The following ERCC6L2 variants were observed in gnomAD, a reference collection of about 807,000 sequenced individuals.
ERCC6L2 encodes DNA excision repair protein ERCC-6-like 2.
Under a neutral mutation model 132.0 loss-of-function variants are expected in ERCC6L2, and 77 were observed. The observed-to-expected ratio is 0.58, with a 90% CI of 0.49 to 0.71. ERCC6L2 has a LOEUF of 0.71. Among genes scored for constraint, ERCC6L2 ranks in the 30% least tolerant of loss-of-function variants. ERCC6L2 has a pLI of 0.00. For synonymous variants in ERCC6L2, 583 were observed against 632.4 expected, an observed-to-expected ratio of 0.92 and a Z score of 1.17; for missense variants, 1,542 against 1,837.6, an observed-to-expected ratio of 0.84 and a Z score of 2.94.
At chr9:96,000,826 G>T (rs564219826) in intron 17 of ERCC6L2, among the ~76,000 whole-genome samples, 15 of 152,182 alleles carry the variant, frequency 9.9e-5, no homozygotes, top group Non-Finnish European at 1.6e-4. Context: ...CTCGTGCTTT[G>T]TATGTCTGAA....
intron 11 of ERCC6L2, among the ~76,000 whole-genome samples, chr9:95,937,416 G>T (rs954657114): frequency 6.6e-6 from 1 of 152,000 alleles, no homozygotes; most frequent in African/African-American, 2.4e-5. Flanking sequence ...GTATAAAGCT[G>T]GTGTTAATGC....
At chr9:95,952,551 A>C (rs1831386876) in intron 12 of ERCC6L2, among the ~76,000 whole-genome samples, 2 of 152,226 alleles carry the variant, frequency 1.3e-5, no homozygotes, top group Admixed American at 6.5e-5. Context: ...ACATCTTTTT[A>C]AAGATGACAA....
chr9:95,887,055 A>G (rs960456556), intron 2 of ERCC6L2, among the ~76,000 whole-genome samples: 13 of 152,198 alleles, frequency 8.5e-5, no homozygotes, highest in African/African-American at 3.1e-4. Flanking sequence ...ATCGTGTGAG[A>G]TAGTACTTAA....
At chr9:95,906,943 C>T (rs905235683) in intron 3 of ERCC6L2, 135 bp from the exon 4 acceptor site, 4 of 646,350 alleles carry the variant, frequency 6.2e-6, no homozygotes, top group Non-Finnish European at 1.1e-5. Flanking sequence ...TAGCTAATCA[C>T]TCAGTTGTAT....
At chr9:95,985,528 A>G (rs543744775) in intron 17 of ERCC6L2, among the ~76,000 whole-genome samples, 52 of 152,350 alleles carry the variant, frequency 3.4e-4, no homozygotes, top group African/African-American at 1.2e-3. Flanking sequence ...TCTGTTGGCC[A>G]TAATGCTGGT....
In ERCC6L2 at chr9:95,875,778, C is replaced by A. The variant is rs1343389074; in HGVS notation, c.-261C>A. The A allele has an allele frequency of 9.1e-6, 5 of 548,428 alleles. No individual in the cohort carries two copies. The highest frequency in any genetic ancestry group is 7.6e-5 in the African/African-American group (4 of 52,702). The allele number at this position is 548,428 out of a possible 1,614,324, so 34.0% of individuals were successfully genotyped here. A position where few individuals can be genotyped will look rare whatever the true frequency, so the allele number is the denominator to read the frequency against. On this transcript the variant is annotated 5_prime_UTR_variant, in exon 1 of 19. Transcript: ENST00000653738. ...GCCCGAGAGAACTAGGTGAACACCGCTTTGCCAGCCTCACACAGCGTCCCC... is the reference window on the plus strand; with the variant it reads ...GCCCGAGAGAACTAGGTGAACACCGATTTGCCAGCCTCACACAGCGTCCCC...
intron 2 of ERCC6L2, among the ~76,000 whole-genome samples, chr9:95,889,765 T>G (rs998833208): frequency 6.6e-6 from 1 of 152,144 alleles, no homozygotes; most frequent in African/African-American, 2.4e-5. Flanking sequence ...ATTTACACCA[T>G]CAAGGAATTC....
At chr9:95,987,461 T>G (rs1833138315) in intron 17 of ERCC6L2, among the ~76,000 whole-genome samples, 1 of 152,190 alleles carries the variant, frequency 6.6e-6, no homozygotes, top group South Asian at 2.1e-4. Flanking sequence ...AAAGGCCCCA[T>G]GCAAGTCCAG....
Position 95,972,192 on chromosome 9 carries a change from C to G in ERCC6L2, c.2441C>G (p.Ala814Gly), listed in dbSNP as rs1223301221. 1.5e-6 allele frequency: 2 copies of G among 1,304,204 alleles called. No individual in the cohort carries two copies. The highest frequency in any genetic ancestry group is 2.0e-6 in the Non-Finnish European group (2 of 988,920). The allele number at this position is 1,304,204 out of a possible 1,614,324, so 80.8% of individuals were successfully genotyped here. The change falls in exon 16 of 19, where the codon GCC becomes GGC. Residue 814 changes from alanine (A) to glycine (G), a missense_variant. Coordinates refer to ENST00000653738, the MANE Select transcript of ERCC6L2 (RefSeq NM_020207.7). Reference protein sequence around the residue: ...KAVEDSDGNTASDDESSDEQP... With the variant: ...KAVEDSDGNTGSDDESSDEQP... ...GTTGAGGATAGTGATGGAAATACTG[C>G]CTCTGATGATGAAAGTTCTGATGAG... is the stretch of plus-strand genomic sequence containing the variant.
chr9:96,033,779 C>T (rs1435085532), intron 19 of ERCC6L2, among the ~76,000 whole-genome samples: 1 of 152,166 alleles, frequency 6.6e-6, no homozygotes, highest in Non-Finnish European at 1.5e-5. Context: ...TGAGAAACAA[C>T]TTATTTAGGG....
chr9:96,036,441 G>A (rs1834519414), intron 19 of ERCC6L2, among the ~76,000 whole-genome samples: 1 of 152,180 alleles, frequency 6.6e-6, no homozygotes, highest in Non-Finnish European at 1.5e-5. Flanking sequence ...ATGGACACTT[G>A]GGTTGTCCAC....
At position 96,013,136 on chromosome 9, in the gene ERCC6L2, T is replaced by G. The variant is rs1483311170; in HGVS notation, c.4586T>G (p.Phe1529Cys). 5 of 1,367,184 alleles carry G rather than the reference T, an allele frequency of 3.7e-6. No homozygotes were observed. The Admixed American group carries it at 9.5e-5, about 26-fold the overall frequency. 84.7% of individuals were successfully genotyped at this position (1,367,184 alleles called of 1,614,324 possible). ...TCTCTTTGGAAATCAAATGAGAAAT[T>G]TTTATGGAAGAAATTTAGCCCAAGT... ...ATSLWKSNEK[F>C]LWKKFSPSDT... The change falls in exon 19 of 19, where the codon TTT (phenylalanine) becomes TGT (cysteine). Residue 1529 changes from phenylalanine (F) to cysteine (C), a missense_variant. By Grantham distance (205) the Phe-to-Cys change is radical. Coordinates refer to ENST00000653738, the MANE Select transcript of ERCC6L2 (RefSeq NM_020207.7).
Position 96,004,560 on chromosome 9 carries a change from CAAAG to C in ERCC6L2, c.3538_3541del (p.Lys1180AlafsTer19), listed in dbSNP as rs1207761117. ...GTGGATGCAGATACATTGCCACACA[CAAAG>C]AAAGGCCAGCAACCGAGTGAAGGCA... On this transcript the variant is annotated frameshift_variant, in exon 18 of 19. Transcript: ENST00000653738. LOFTEE classifies it high-confidence loss of function. The C allele has an allele frequency of 2.3e-6, 3 of 1,309,026 alleles. No individual in the cohort carries two copies. Among genetic ancestry groups the C allele is most frequent in the African/African-American group, 1.5e-5 (1 of 66,026 alleles). The allele number at this position is 1,309,026 out of a possible 1,614,324, so 81.1% of individuals were successfully genotyped here.
At chr9:95,907,313 C>T in intron 4 of ERCC6L2, 42 bp downstream of exon 4, 9 of 1,065,994 alleles carry the variant, frequency 8.4e-6, no homozygotes, top group South Asian at 3.5e-5. Context: ...TATTAATAGT[C>T]TACTTACATC....
At chr9:95,950,123 T>C (rs1283424392) in intron 12 of ERCC6L2, among the ~76,000 whole-genome samples, 1 of 152,132 alleles carries the variant, frequency 6.6e-6, no homozygotes, top group African/African-American at 2.4e-5. Flanking sequence ...TTAAGGTAAG[T>C]ATCATGGACA....
chr9:95,906,663 A>G (rs536196491), intron 3 of ERCC6L2: 4 of 457,226 alleles, frequency 8.7e-6, no homozygotes, highest in South Asian at 6.2e-5. Flanking sequence ...GCAGAAGGAA[A>G]GAGAGCTCCA....
chr9:95,966,189 G>GTAA (rs1221180282), intron 13 of ERCC6L2, among the ~76,000 whole-genome samples: 3 of 152,186 alleles, frequency 2.0e-5, no homozygotes, highest in African/African-American at 7.2e-5. Context: ...CAGTGATGTA[G>GTAA]TAATTACTTC....
intron 12 of ERCC6L2, among the ~76,000 whole-genome samples, chr9:95,952,163 T>A (rs1409279500): frequency 8.6e-5 from 1 of 11,630 alleles, no homozygotes; most frequent in Non-Finnish European, 1.2e-4. Flanking sequence ...TGAGACTCCA[T>A]CTTAAAAAAA....
chr9:95,988,517 T>C (rs1452333522), intron 17 of ERCC6L2, among the ~76,000 whole-genome samples: 2 of 152,236 alleles, frequency 1.3e-5, no homozygotes, highest in Non-Finnish European at 1.5e-5. Context: ...CTATTTCATT[T>C]GCTATGTAAG....
Sources: gnomAD v4.1 joint callset for allele counts (sites outside exome capture counted in the v4.1 genomes callset) on GRCh38, gnomAD v4.1.1 for gene constraint, MANE v1.5 for transcripts, NCBI Gene and HGNC (gene_info 2026-07-23, HGNC 2026-07-21) for gene names.